FAM13A: variants seen among roughly 807,000 people sequenced by gnomAD.
FAM13A encodes the protein family with sequence similarity 13 member A, also known as protein FAM13A.
In FAM13A, 76 loss-of-function variants were observed where a neutral mutation model predicts 129.6. The ratio of observed to expected loss-of-function variants is 0.59; its 90% CI spans 0.49 to 0.71. The LOEUF is 0.71. FAM13A is among the 30% of genes least tolerant of loss of function. FAM13A has a pLI of 0.00. For synonymous variants in FAM13A, 443 were observed against 449.9 expected, an observed-to-expected ratio of 0.98 and a Z score of 0.20; for missense variants, 1,108 against 1,249.3, an observed-to-expected ratio of 0.89 and a Z score of 1.70.
chr4:88,870,145 A>G (rs1225093074), intron 6 of FAM13A, among the ~76,000 whole-genome samples: 1 of 152,090 alleles, frequency 6.6e-6, no homozygotes, highest in Non-Finnish European at 1.5e-5. Context: ...ATGAACAGCA[A>G]TGGGCATTCT....
At chr4:88,956,518 A>G (rs1156597652) in intron 4 of FAM13A, among the ~76,000 whole-genome samples, 1 of 152,206 alleles carries the variant, frequency 6.6e-6, no homozygotes, top group Non-Finnish European at 1.5e-5. Context: ...TTAAAAAAAG[A>G]TGAAGAAACA....
intron 4 of FAM13A, among the ~76,000 whole-genome samples, chr4:88,964,615 A>G (rs575444753): frequency 7.4e-4 from 112 of 151,516 alleles, no homozygotes; most frequent in African/African-American, 2.6e-3. Context: ...GAATCACCAA[A>G]CTAACATACA....
At chr4:88,845,767 C>T (rs1398516483) in intron 7 of FAM13A, among the ~76,000 whole-genome samples, 1 of 152,006 alleles carries the variant, frequency 6.6e-6, no homozygotes, top group African/African-American at 2.4e-5. Flanking sequence ...AGTGATGTAT[C>T]AAATTTTTTA....
At position 88,947,119 on chromosome 4, in the gene FAM13A, G is replaced by T. The variant is rs891323340; in HGVS notation, c.606-8878C>A. On this transcript the variant is annotated intron_variant, in intron 4 of 23. Transcript: ENST00000264344. ...GATGACCAGCCTAAACTTCAAAAAT[G>T]AAGTCCCAACTGGGAGCAGTGGCTC... Among the ~76,000 whole-genome samples, 3 of 152,094 alleles carry T rather than the reference G, an allele frequency of 2.0e-5. No homozygotes were observed. In the East Asian group the frequency reaches 5.8e-4, roughly 29 times the overall value.
intron 4 of FAM13A, among the ~76,000 whole-genome samples, chr4:88,963,055 T>C (rs1758845442): frequency 6.6e-6 from 1 of 152,194 alleles, no homozygotes. Flanking sequence ...ACTTTTTTTC[T>C]TTTTGCCTTT....
At chr4:88,901,593 G>A (rs148416169) in intron 6 of FAM13A, among the ~76,000 whole-genome samples, 1 of 152,190 alleles carries the variant, frequency 6.6e-6, no homozygotes, top group African/African-American at 2.4e-5. Flanking sequence ...GAAACTATGA[G>A]AAGAAAGAAA....
intron 18 of FAM13A, among the ~76,000 whole-genome samples, chr4:88,747,390 A>T (rs1006190638): frequency 1.3e-5 from 2 of 152,160 alleles, no homozygotes; most frequent in African/African-American, 4.8e-5. Context: ...CCAGCTATTA[A>T]CCTAAACAAG....
intron 1 of FAM13A, among the ~76,000 whole-genome samples, chr4:89,030,867 A>C (rs575046510): frequency 6.6e-6 from 1 of 152,322 alleles, no homozygotes; most frequent in African/African-American, 2.4e-5. Context: ...TGAGTAGGAT[A>C]CTTGTAATCT....
chr4:88,881,486 A>G (rs1336560108), intron 6 of FAM13A, among the ~76,000 whole-genome samples: 2 of 152,212 alleles, frequency 1.3e-5, no homozygotes, highest in Admixed American at 1.3e-4. Flanking sequence ...GCTGACCTTG[A>G]GCTCCAGATC....
chr4:89,024,075 T>C (rs188292942), intron 2 of FAM13A, among the ~76,000 whole-genome samples: 5 of 152,316 alleles, frequency 3.3e-5, no homozygotes, highest in Admixed American at 1.3e-4. Context: ...AAAAATTATA[T>C]AAGCTAATGT....
At chr4:88,737,932 T>C (rs1423205772) in intron 20 of FAM13A, among the ~76,000 whole-genome samples, 1 of 152,132 alleles carries the variant, frequency 6.6e-6, no homozygotes, top group Non-Finnish European at 1.5e-5. Flanking sequence ...CAGAAAGCAA[T>C]ACAAAGGGGA....
intron 6 of FAM13A, among the ~76,000 whole-genome samples, chr4:88,903,631 A>C (rs904060311): frequency 2.0e-5 from 3 of 152,224 alleles, no homozygotes; most frequent in Admixed American, 6.5e-5. Context: ...AAAGATTTCT[A>C]GGATTTTTAG....
intron 11 of FAM13A, 58 bp downstream of exon 11, chr4:88,781,107 A>C: frequency 1.6e-6 from 2 of 1,224,240 alleles, no homozygotes; most frequent in Non-Finnish European, 2.2e-6. Context: ...TTTACAAAGC[A>C]AAGAAAAGAG....
At chr4:88,787,671 T>A (rs1724235151) in intron 10 of FAM13A, 82 bp downstream of exon 10, 1 of 1,350,296 alleles carries the variant, frequency 7.4e-7, no homozygotes, top group Non-Finnish European at 1.0e-6. Context: ...GAGGTATGAC[T>A]ATAACACAGC....
At chr4:88,879,575 T>C (rs1435516161) in intron 6 of FAM13A, among the ~76,000 whole-genome samples, 2 of 152,288 alleles carry the variant, frequency 1.3e-5, no homozygotes, top group East Asian at 1.9e-4. Context: ...AGGCACATCC[T>C]AGGGTTGTAC....
chr4:88,732,106 G>A lies in FAM13A; in HGVS notation c.2739C>T (p.Asp913=), dbSNP rs1801915. The part of the protein sequence containing the change: ...KTDFSARCFL[D]QFEDDADGFI... ...ATCCATCAGCGTCATCTTCGAATTG[G>A]TCCAGAAAGCATCGTGCACTGAAAT... The change falls in exon 22 of 24, where the codon GAC becomes GAT. Residue 913 remains aspartate, a synonymous_variant. Transcript: ENST00000264344. 0.16 allele frequency: 261,944 copies of A among 1,612,920 alleles called. 22,278 individuals are homozygous for A. The highest frequency in any genetic ancestry group is 0.25 in the East Asian group (11,387 of 44,814).
intron 1 of FAM13A, among the ~76,000 whole-genome samples, chr4:89,042,306 G>A (rs1403515356): frequency 6.6e-6 from 1 of 152,078 alleles, no homozygotes; most frequent in Non-Finnish European, 1.5e-5. Flanking sequence ...ACATAATAGA[G>A]GCACATGTCC....
At chr4:88,832,661 A>T (rs1734085589) in intron 7 of FAM13A, among the ~76,000 whole-genome samples, 1 of 152,244 alleles carries the variant, frequency 6.6e-6, no homozygotes, top group Non-Finnish European at 1.5e-5. Context: ...AGAGAAATGC[A>T]AATCAAAACC....
At chr4:88,925,036 A>AT (rs1325881389) in intron 5 of FAM13A, among the ~76,000 whole-genome samples, 1 of 150,072 alleles carries the variant, frequency 6.7e-6, no homozygotes, top group African/African-American at 2.4e-5. Context: ...AATGGCAATC[A>AT]TTAAAAAGTC....
Sources: allele counts gnomAD v4.1 joint callset (sites outside exome capture counted in the v4.1 genomes callset), GRCh38; gene constraint gnomAD v4.1.1; transcripts MANE v1.5; gene names NCBI Gene and HGNC (gene_info 2026-07-23, HGNC 2026-07-21).